Variants in ETV5 observed in about 807,000 individuals in gnomAD.
ETV5 encodes ETS translocation variant 5.
In ETV5, 10 loss-of-function variants were observed where a neutral mutation model predicts 70.0. That is an observed-to-expected ratio of 0.14 (90% CI 0.09 to 0.24). ETV5 has a LOEUF of 0.24. Among genes scored for constraint, ETV5 ranks in the 10% least tolerant of loss-of-function variants. The pLI is 1.00. For missense variants in ETV5, 453 were observed against 651.2 expected (o/e 0.70, Z 3.31); for synonymous variants, 216 against 242.2 (o/e 0.89, Z 1.01).
chr3:186,060,147 G>GT (rs1713268897), intron 9 of ETV5, among the ~76,000 whole-genome samples: 1 of 152,108 alleles, frequency 6.6e-6, no homozygotes, highest in Non-Finnish European at 1.5e-5. Context: ...TCAAGTTTAC[G>GT]TATCTGTCAA....
At chr3:186,078,914 G>A (rs1400630632) in intron 7 of ETV5, 1 of 285,016 alleles carries the variant, frequency 3.5e-6, no homozygotes, top group East Asian at 6.0e-5. Flanking sequence ...GTAAATACTG[G>A]TAGGCATCTG....
At chr3:186,072,365 C>T (rs1713663444) in intron 7 of ETV5, among the ~76,000 whole-genome samples, 1 of 141,168 alleles carries the variant, frequency 7.1e-6, no homozygotes, top group African/African-American at 2.7e-5. Context: ...GAGTGAGACT[C>T]TATCTCAAAA....
At position 186,081,140 on chromosome 3, in the gene ETV5, G is replaced by A. The variant is rs1276673113; in HGVS notation, c.268C>T (p.Arg90Trp). 5 of 1,613,460 alleles carry A rather than the reference G, an allele frequency of 3.1e-6. No individual in the cohort carries two copies. The highest frequency in any genetic ancestry group is 4.2e-6 in the Non-Finnish European group (5 of 1,179,674). Residue 90 changes from arginine to tryptophan, a missense_variant, in exon 6 of 13, where the codon CGG (arginine) becomes TGG (tryptophan). By Grantham distance (101) the Arg-to-Trp change is moderately radical. Transcript: ENST00000306376. ...TCAGAGGAGGGGCTGTGCAGCTCCC[G>A]TTTGATCTTGGTTGGAGGTGGGGCA... The part of the protein sequence containing the change: ...LHAPPPTKIK[R>W]ELHSPSSELS...
rs889640321 is a variant in ETV5, at chr3:186,065,605, C to CATA, written c.910+205_910+207dup. Among the ~76,000 whole-genome samples the CATA allele has an allele frequency of 2.0e-5, 3 of 152,190 alleles. No homozygotes were observed. In the East Asian group the frequency reaches 5.8e-4, roughly 29 times the overall value. ...TGCCTACCGCACTTCCTACCACTTACATAGCTTTTCTGTTTTGTTTTGTAT... is the reference window on the plus strand; with the variant it reads ...TGCCTACCGCACTTCCTACCACTTACATAATAGCTTTTCTGTTTTGTTTTGTAT... On this transcript the variant is annotated intron_variant, in intron 8 of 12. Coordinates refer to ENST00000306376, the MANE Select transcript of ETV5 (RefSeq NM_004454.3).
Position 186,105,739 on chromosome 3 carries a change from G to C in ETV5, c.46-27C>G. 6.2e-7 allele frequency: 1 copy of C among 1,613,666 alleles called. No individual in the cohort carries two copies. The highest frequency in any genetic ancestry group is 8.5e-7 in the Non-Finnish European group (1 of 1,179,574). ...TGAAAGAGGCCAACAGAAAGTGAAG[G>C]CTCAAGTGTAGTAAAGAGGTCCACA... On this transcript the variant is annotated intron_variant, in intron 2 of 12. Coordinates refer to ENST00000306376, the MANE Select transcript of ETV5 (RefSeq NM_004454.3). This position sits in a 1 kb window ranked among gnomAD's most constrained non-coding sequence, Gnocchi z 4.5.
rs1461531467 is a variant in ETV5 at position 186,079,828 on chromosome 3, T to C, written c.639A>G (p.Pro213=). The C allele has an allele frequency of 2.5e-6, 4 of 1,607,892 alleles. No individual in the cohort carries two copies. The highest frequency in any genetic ancestry group is 1.7e-5 in the Admixed American group (1 of 59,316). Residue 213 remains proline (P), a synonymous_variant, in exon 7 of 13, where the codon CCA becomes CCG. Coordinates refer to ENST00000306376, the MANE Select transcript of ETV5 (RefSeq NM_004454.3). The part of the protein sequence containing the change: ...MPKMMPENQY[P]SEQRFQRQLS... The stretch of plus-strand genomic sequence containing the variant: ...AGATCAACACCCACCTCTGTTCTGA[T>C]GGATACTGGTTTTCAGGCATCATCT...
At chr3:186,061,382 A>G (rs1471866936) in intron 9 of ETV5, among the ~76,000 whole-genome samples, 1 of 152,198 alleles carries the variant, frequency 6.6e-6, no homozygotes, top group African/African-American at 2.4e-5. Flanking sequence ...ACTACTCAGT[A>G]GATTTCAAAC....
At chr3:186,076,935 G>C (rs932887886) in intron 7 of ETV5, among the ~76,000 whole-genome samples, 2 of 152,146 alleles carry the variant, frequency 1.3e-5, no homozygotes, top group African/African-American at 2.4e-5. Flanking sequence ...AATTTATCAA[G>C]GTCAATTACT....
chr3:186,108,121 C>T (rs1714639427), intron 1 of ETV5, among the ~76,000 whole-genome samples: 1 of 143,378 alleles, frequency 7.0e-6, no homozygotes, highest in South Asian at 2.5e-4. Context: ...CGCTTCCAAT[C>T]CCCCCACCCC....
intron 1 of ETV5, among the ~76,000 whole-genome samples, 187 bp from the exon 2 acceptor site, chr3:186,106,129 T>C (rs1714581786): frequency 6.6e-6 from 1 of 152,190 alleles, no homozygotes; most frequent in South Asian, 2.1e-4. Flanking sequence ...AGGTACAGGA[T>C]GTACTCCGTG....
intron 11 of ETV5, among the ~76,000 whole-genome samples, chr3:186,053,811 T>C (rs1285600124): frequency 6.6e-6 from 1 of 152,178 alleles, no homozygotes; most frequent in Non-Finnish European, 1.5e-5. Flanking sequence ...ATAGAAATAA[T>C]GGTAAGAAGA....
chr3:186,058,953 C>T (rs1232660528), intron 9 of ETV5, among the ~76,000 whole-genome samples: 1 of 148,386 alleles, frequency 6.7e-6, no homozygotes, highest in African/African-American at 2.5e-5. Context: ...GCGGAGGTTA[C>T]AGTGGGTGGA....
chr3:186,068,509 T>C (rs1276519855), intron 7 of ETV5, among the ~76,000 whole-genome samples: 1 of 152,222 alleles, frequency 6.6e-6, no homozygotes, highest in African/African-American at 2.4e-5. Flanking sequence ...TAAAAACCTG[T>C]TGCTACTAGT....
rs1169210445 is a variant in ETV5, at chr3:186,080,423, G to GT, written c.363-320dup. The GT allele has an allele frequency of 6.5e-5, 16 of 246,386 alleles. No homozygotes were observed. The Admixed American group carries it at 8.9e-4, about 14-fold the overall frequency. 15.3% of individuals were successfully genotyped at this position (246,386 alleles called of 1,614,324 possible). ...TAGGGTGGGTGGGTGAGGGGAGAATGTATGTTTGCCAGGTGTTCTCTGGTC... is the reference window on the plus strand; with the variant it reads ...TAGGGTGGGTGGGTGAGGGGAGAATGTTATGTTTGCCAGGTGTTCTCTGGTC... On this transcript the variant is annotated intron_variant, in intron 6 of 12. Coordinates refer to ENST00000306376, the MANE Select transcript of ETV5 (RefSeq NM_004454.3).
At chr3:186,055,113 A>G (rs969300921) in intron 11 of ETV5, among the ~76,000 whole-genome samples, 1 of 152,222 alleles carries the variant, frequency 6.6e-6, no homozygotes, top group Non-Finnish European at 1.5e-5. Context: ...ATCATTCTCT[A>G]TGCCACTGGT....
chr3:186,056,492 C>A (rs1405572389), intron 11 of ETV5, among the ~76,000 whole-genome samples: 1 of 152,030 alleles, frequency 6.6e-6, no homozygotes, highest in Non-Finnish European at 1.5e-5. Flanking sequence ...AAGCAATACA[C>A]CTGCTTCAGC....
intron 5 of ETV5, among the ~76,000 whole-genome samples, chr3:186,100,190 ATCTC>A (rs1295405077): frequency 6.6e-6 from 1 of 152,182 alleles, no homozygotes; most frequent in East Asian, 1.9e-4. Context: ...GAGTCAAAGA[ATCTC>A]TCCTCCATGT....
intron 7 of ETV5, among the ~76,000 whole-genome samples, chr3:186,068,212 C>T (rs1290483097): frequency 6.6e-6 from 1 of 152,140 alleles, no homozygotes; most frequent in African/African-American, 2.4e-5. Context: ...TATTATGATA[C>T]AGTCATTTGG....
intron 11 of ETV5, among the ~76,000 whole-genome samples, chr3:186,055,990 GTTATTTCTGTTCCAT>G (rs1713153794): frequency 6.6e-6 from 1 of 152,152 alleles, no homozygotes; most frequent in East Asian, 1.9e-4. Flanking sequence ...TTTTTGGGCA[GTTATTTCTGTTCCAT>G]TTATAATCTC....
Sources: gnomAD v4.1 joint callset for allele counts (sites outside exome capture counted in the v4.1 genomes callset) on GRCh38, gnomAD v4.1.1 for gene constraint, Gnocchi (gnomAD v3.1) non-coding constraint, MANE v1.5 for transcripts, NCBI Gene and HGNC (gene_info 2026-07-23, HGNC 2026-07-21) for gene names.